ADAMTS19: variants seen among roughly 807,000 people sequenced by gnomAD.
The protein encoded by ADAMTS19 is ADAM metallopeptidase with thrombospondin type 1 motif 19.
ADAMTS19 carries 93 observed loss-of-function variants against 153.3 expected under a neutral mutation model. That is an observed-to-expected ratio of 0.61 (90% CI 0.51 to 0.72). ADAMTS19 has a LOEUF of 0.72. Ranked by LOEUF, ADAMTS19 falls within the 30% of genes least tolerant of loss-of-function variation. The pLI is 0.00. For missense variants in ADAMTS19, 1,482 were observed against 1,552.1 expected (o/e 0.95, Z 0.76); for synonymous variants, 600 against 556.6 (o/e 1.08, Z -1.10).
intron 16 of ADAMTS19, among the ~76,000 whole-genome samples, chr5:129,678,904 C>A (rs1353521348): frequency 6.6e-6 from 1 of 152,090 alleles, no homozygotes; most frequent in Non-Finnish European, 1.5e-5. Context: ...GTAATTTTGA[C>A]ATAGCCTTCA....
At chr5:129,545,332 T>C (rs6595909) in intron 6 of ADAMTS19, among the ~76,000 whole-genome samples, 3,729 of 152,160 alleles carry the variant, frequency 0.025, 117 homozygotes, top group African/African-American at 0.078. Flanking sequence ...CATTAGTGGA[T>C]TGGATGATAG....
chr5:129,656,393 C>T (rs1206786203), intron 14 of ADAMTS19, among the ~76,000 whole-genome samples: 3 of 152,132 alleles, frequency 2.0e-5, no homozygotes, highest in Admixed American at 6.5e-5. Flanking sequence ...AGTTTTATCA[C>T]TAAATATATA....
intron 13 of ADAMTS19, among the ~76,000 whole-genome samples, chr5:129,650,426 C>T (rs1753266482): frequency 6.6e-6 from 1 of 152,152 alleles, no homozygotes; most frequent in Non-Finnish European, 1.5e-5. Flanking sequence ...GTAGCACCTA[C>T]ATACAAGCAC....
At chr5:129,605,323 G>A (rs555845373) in intron 8 of ADAMTS19, among the ~76,000 whole-genome samples, 1 of 152,250 alleles carries the variant, frequency 6.6e-6, no homozygotes, top group South Asian at 2.1e-4. Context: ...CCTATAGCCT[G>A]TCATTCCCTT....
chr5:129,466,816 G>A lies in ADAMTS19; in HGVS notation c.747+5059G>A, dbSNP rs535364071. 3.9e-5 allele frequency among the ~76,000 whole-genome samples: 6 copies of A among 152,302 alleles called. No individual in the cohort carries two copies. The South Asian group carries it at 1.2e-3, about 32-fold the overall frequency. On this transcript the variant is annotated intron_variant, in intron 2 of 22. Transcript: ENST00000274487. The stretch of plus-strand genomic sequence containing the variant: ...ATTACTTCTTTGAGGGTAGAGGGTA[G>A]ATGAGATAAGTGGTGTTCTGGATGA...
At chr5:129,537,675 G>T (rs935753427) in intron 6 of ADAMTS19, among the ~76,000 whole-genome samples, 1 of 151,486 alleles carries the variant, frequency 6.6e-6, no homozygotes, top group Non-Finnish European at 1.5e-5. Context: ...CTATGGCAAG[G>T]ACAAAAAACC....
intron 8 of ADAMTS19, among the ~76,000 whole-genome samples, chr5:129,614,924 C>T (rs949333668): frequency 2.6e-5 from 4 of 152,106 alleles, no homozygotes; most frequent in African/African-American, 4.8e-5. Flanking sequence ...CATGAGTGAA[C>T]TCCCATTCAC....
chr5:129,639,180 C>T (rs30722), intron 10 of ADAMTS19, among the ~76,000 whole-genome samples: 63,595 of 151,848 alleles, frequency 0.42, 14,791 homozygotes, highest in African/African-American at 0.63. Flanking sequence ...AATATTTGAC[C>T]CTTGCCTGTG....
intron 7 of ADAMTS19, among the ~76,000 whole-genome samples, chr5:129,574,053 G>A (rs995888715): frequency 3.3e-5 from 5 of 151,796 alleles, no homozygotes; most frequent in South Asian, 2.1e-4. Context: ...TAAGTACCAC[G>A]GGTTTTAAAA....
intron 2 of ADAMTS19, among the ~76,000 whole-genome samples, chr5:129,474,707 A>G (rs1348568275): frequency 4.6e-5 from 7 of 152,154 alleles, no homozygotes; most frequent in Middle Eastern, 3.4e-3. Flanking sequence ...ATCTGGAGTC[A>G]CTCTGTTCTT....
At chr5:129,488,669 G>T (rs551456774) in intron 2 of ADAMTS19, among the ~76,000 whole-genome samples, 28 of 152,156 alleles carry the variant, frequency 1.8e-4, no homozygotes, top group African/African-American at 6.7e-4. Context: ...TGCCCATTAT[G>T]AAAAGTAAAA....
chr5:129,656,711 T>C (rs1258357486), intron 14 of ADAMTS19, among the ~76,000 whole-genome samples: 1 of 152,238 alleles, frequency 6.6e-6, no homozygotes, highest in Non-Finnish European at 1.5e-5. Context: ...AATATTTACC[T>C]TTTATTTTTA....
chr5:129,597,312 G>A (rs141641689), intron 8 of ADAMTS19, among the ~76,000 whole-genome samples: 2 of 152,222 alleles, frequency 1.3e-5, no homozygotes, highest in African/African-American at 4.8e-5. Flanking sequence ...TGCCAGACAC[G>A]TTTTTAAGTG....
At chr5:129,628,913 T>C (rs1752171546) in intron 10 of ADAMTS19, among the ~76,000 whole-genome samples, 1 of 152,110 alleles carries the variant, frequency 6.6e-6, no homozygotes, top group Non-Finnish European at 1.5e-5. Context: ...CACTCAACAA[T>C]GTTCACACAA....
rs59614056 is a variant in ADAMTS19 at position 129,702,941 on chromosome 5, A to AATATATATATATATATAT, written c.3160-1284_3160-1267dup. 2.7e-3 allele frequency among the ~76,000 whole-genome samples: 80 copies of AATATATATATATATATAT among 29,152 alleles called. 1 individual carries two copies. The highest frequency in any genetic ancestry group is 5.7e-3 in the African/African-American group (67 of 11,654). The allele number at this position is 29,152 out of a possible 152,430, so 19.1% of individuals were successfully genotyped here. A position where few individuals can be genotyped will look rare whatever the true frequency, so the allele number is the denominator to read the frequency against. On this transcript the variant is annotated intron_variant, in intron 20 of 22. Coordinates refer to ENST00000274487, the MANE Select transcript of ADAMTS19 (RefSeq NM_133638.6). ...TAGTTTGACTTGCCAAAAAAAAAAA[A>AATATATATATATATATAT]ATATATATATATATATATATATATA...
chr5:129,722,600 T>C (rs1055539694), intron 21 of ADAMTS19, among the ~76,000 whole-genome samples: 6 of 152,208 alleles, frequency 3.9e-5, no homozygotes, highest in Non-Finnish European at 5.9e-5. Flanking sequence ...TTTAGTTTAA[T>C]TAGATCCCAT....
intron 3 of ADAMTS19, among the ~76,000 whole-genome samples, chr5:129,522,720 G>T (rs1007630599): frequency 6.6e-6 from 1 of 151,900 alleles, no homozygotes; most frequent in Non-Finnish European, 1.5e-5. Context: ...GCTGACAGGT[G>T]GGCATAGAAG....
chr5:129,591,591 C>T (rs1468197266), intron 7 of ADAMTS19, among the ~76,000 whole-genome samples: 1 of 152,064 alleles, frequency 6.6e-6, no homozygotes, highest in Non-Finnish European at 1.5e-5. Flanking sequence ...CCATACCCAG[C>T]CAAAGTCACA....
intron 21 of ADAMTS19, among the ~76,000 whole-genome samples, chr5:129,725,778 A>G (rs1757184331): frequency 6.6e-6 from 1 of 151,742 alleles, no homozygotes; most frequent in Non-Finnish European, 1.5e-5. Context: ...TCATGGCCTA[A>G]ATTTGTGTTT....
Sources: allele counts gnomAD v4.1 joint callset (sites outside exome capture counted in the v4.1 genomes callset), GRCh38; gene constraint gnomAD v4.1.1; transcripts MANE v1.5; gene names NCBI Gene and HGNC (gene_info 2026-07-23, HGNC 2026-07-21).